The following SMARCA2 variants were observed in gnomAD, a reference collection of about 807,000 sequenced individuals.
SMARCA2 encodes SWI/SNF related BAF chromatin remodeling complex subunit ATPase 2.
In SMARCA2, 61 loss-of-function variants were observed where a neutral mutation model predicts 199.8. The ratio of observed to expected loss-of-function variants is 0.31; its 90% CI spans 0.25 to 0.38. SMARCA2 has a LOEUF of 0.38. Among genes scored for constraint, SMARCA2 ranks in the 10% least tolerant of loss-of-function variants. The pLI, the probability that SMARCA2 is intolerant of heterozygous loss-of-function variation, is 1.00. For missense variants in SMARCA2, 1,344 were observed against 2,012.2 expected (o/e 0.67, Z 6.35); for synonymous variants, 935 against 732.0 (o/e 1.28, Z -4.48).
At chr9:2,058,247 A>G in intron 7 of SMARCA2, 44 bp from the exon 8 acceptor site, 2 of 1,559,944 alleles carry the variant, frequency 1.3e-6, no homozygotes, top group South Asian at 1.1e-5. Flanking sequence ...GACACTGGTC[A>G]TTGGATTTTA....
rs191801016 is a variant in SMARCA2, at chr9:2,088,497, C to T, written c.2770-3C>T. On this transcript the variant is annotated splice_polypyrimidine_tract_variant and splice_region_variant and intron_variant, in intron 18 of 33. Coordinates refer to ENST00000349721, the MANE Select transcript of SMARCA2 (RefSeq NM_003070.5). ...TCAAATTCATAATAAGCCTCTCTTA[C>T]AGGTGGACTTAAATGAAGAAGAAAC... The T allele has an allele frequency of 1.9e-6, 3 of 1,572,434 alleles. No homozygotes were observed. The African/African-American group carries it at 4.2e-5, about 22-fold the overall frequency.
intron 5 of SMARCA2, chr9:2,047,689 C>T (rs1168744291): frequency 1.5e-5 from 6 of 403,620 alleles, no homozygotes; most frequent in East Asian, 1.4e-4. Flanking sequence ...CGGGGACTTC[C>T]TGTGGACCCG....
chr9:2,174,030 T>C (rs896917432), intron 29 of SMARCA2, among the ~76,000 whole-genome samples: 1 of 152,190 alleles, frequency 6.6e-6, no homozygotes, highest in African/African-American at 2.4e-5. Flanking sequence ...TCGATACTTA[T>C]TTATGGTGCT....
At chr9:2,094,746 A>T (rs1374404842) in intron 19 of SMARCA2, among the ~76,000 whole-genome samples, 3 of 152,220 alleles carry the variant, frequency 2.0e-5, no homozygotes, top group Non-Finnish European at 4.4e-5. Flanking sequence ...ATCCCAGTAC[A>T]GCTCTTTTGT....
At chr9:2,189,008 C>G (rs1421601448) in intron 32 of SMARCA2, among the ~76,000 whole-genome samples, 2 of 152,188 alleles carry the variant, frequency 1.3e-5, no homozygotes, top group African/African-American at 2.4e-5. Context: ...CCATGAATCT[C>G]TCTTTTGCGT....
chr9:2,048,319 G>C (rs1819970522), intron 5 of SMARCA2, among the ~76,000 whole-genome samples: 1 of 152,146 alleles, frequency 6.6e-6, no homozygotes, highest in Non-Finnish European at 1.5e-5. Context: ...AGCATACTGT[G>C]TCATCAGTAA....
intron 29 of SMARCA2, among the ~76,000 whole-genome samples, chr9:2,174,784 G>A (rs1055217212): frequency 6.6e-6 from 1 of 151,774 alleles, no homozygotes; most frequent in African/African-American, 2.4e-5. Context: ...GGTGGGTGTG[G>A]TGGCATACTC....
At chr9:2,148,482 TTTTTATTATTA>T in intron 27 of SMARCA2, among the ~76,000 whole-genome samples, 1 of 151,376 alleles carries the variant, frequency 6.6e-6, no homozygotes, top group East Asian at 1.9e-4. Flanking sequence ...TGTTTTCTTT[TTTTTATTATTA>T]TTTTATTATT....
At position 2,086,781 on chromosome 9, in the gene SMARCA2, G is replaced by A; in HGVS notation, c.2527-48G>A. On this transcript the variant is annotated intron_variant, in intron 17 of 33. Coordinates refer to ENST00000349721, the MANE Select transcript of SMARCA2 (RefSeq NM_003070.5). The surrounding 1 kb of genome is among the most constrained non-coding windows in gnomAD (Gnocchi z 4.3). ...CACCACTTGCTTGTTGGAAATAGTT[G>A]TATTTTCCCTTGCTTACTACACGTC... 6.2e-7 allele frequency: 1 copy of A among 1,605,602 alleles called. No individual in the cohort carries two copies.
intron 32 of SMARCA2, among the ~76,000 whole-genome samples, chr9:2,187,159 G>C (rs940906989): frequency 3.3e-5 from 5 of 152,094 alleles, no homozygotes; most frequent in Admixed American, 3.3e-4. Flanking sequence ...ACAGGGTACT[G>C]TCTTTATTTA....
At chr9:2,070,365 C>A in intron 9 of SMARCA2, 53 bp from the exon 10 acceptor site, 1 of 1,464,184 alleles carries the variant, frequency 6.8e-7, no homozygotes, top group Non-Finnish European at 9.6e-7. Context: ...ACCAGGAAGT[C>A]CTGTACCCCA....
At chr9:2,102,132 AGTGT>A (rs71327397) in intron 22 of SMARCA2, among the ~76,000 whole-genome samples, 2,177 of 148,042 alleles carry the variant, frequency 0.015, 17 homozygotes, top group African/African-American at 0.016. Flanking sequence ...ATTAACAGAA[AGTGT>A]GTGTGTGTGT....
intron 25 of SMARCA2, among the ~76,000 whole-genome samples, chr9:2,118,050 G>A (rs926086376): frequency 6.6e-6 from 1 of 152,170 alleles, no homozygotes; most frequent in East Asian, 1.9e-4. Context: ...TCATAAACAG[G>A]CACTTTACAA....
In SMARCA2 at chr9:2,169,128, C is replaced by T. The variant is rs1393029435; in HGVS notation, c.4200-1291C>T. ...TTATTGCTGACACTCAGAGTCCCCT[C>T]AACCTGCTCCTAATTGTCCCTACAA... On this transcript the variant is annotated intron_variant, in intron 28 of 33. Coordinates refer to ENST00000349721, the MANE Select transcript of SMARCA2 (RefSeq NM_003070.5). The surrounding 1 kb of genome is among the most constrained non-coding windows in gnomAD (Gnocchi z 6.5). 6.6e-6 allele frequency among the ~76,000 whole-genome samples: 1 copy of T among 152,158 alleles called. No homozygotes were observed. Among genetic ancestry groups the T allele is most frequent in the Non-Finnish European group, 1.5e-5 (1 of 68,022 alleles).
In SMARCA2 at chr9:2,056,400, A is replaced by G. The variant is rs997138051; in HGVS notation, c.1174-272A>G. Among the ~76,000 whole-genome samples, 1 of 152,256 alleles carries G rather than the reference A, an allele frequency of 6.6e-6. No homozygotes were observed. Among genetic ancestry groups the G allele is most frequent in the Non-Finnish European group, 1.5e-5 (1 of 68,056 alleles). ...AGAAAATGAAGTTATTTAAAAGGCA[A>G]GACAACATCTTTTCTTTCTTTTACT... On this transcript the variant is annotated intron_variant, in intron 6 of 33. Coordinates refer to ENST00000349721, the MANE Select transcript of SMARCA2 (RefSeq NM_003070.5). The surrounding 1 kb of genome is among the most constrained non-coding windows in gnomAD (Gnocchi z 4.0).
At chr9:2,069,321 C>A (rs1427239626) in intron 9 of SMARCA2, among the ~76,000 whole-genome samples, 1 of 151,370 alleles carries the variant, frequency 6.6e-6, no homozygotes, top group Non-Finnish European at 1.5e-5. Context: ...GGCTGGGAGG[C>A]CGAGGCAGGC....
At chr9:2,145,110 G>A (rs983425839) in intron 27 of SMARCA2, among the ~76,000 whole-genome samples, 5 of 152,044 alleles carry the variant, frequency 3.3e-5, no homozygotes, top group African/African-American at 7.2e-5. Context: ...AACCAGTCTG[G>A]CCAAAATGGT....
intron 32 of SMARCA2, among the ~76,000 whole-genome samples, chr9:2,189,994 C>A (rs762205895): frequency 6.6e-6 from 1 of 152,172 alleles, no homozygotes; most frequent in Non-Finnish European, 1.5e-5. Flanking sequence ...ACATGGTAGT[C>A]TAGCAAAGCT....
intron 29 of SMARCA2, among the ~76,000 whole-genome samples, chr9:2,178,181 T>C (rs1826757233): frequency 6.6e-6 from 1 of 152,156 alleles, no homozygotes; most frequent in Non-Finnish European, 1.5e-5. Flanking sequence ...GCGGTGTCTG[T>C]TCACTTCCAT....
Sources: gnomAD v4.1 joint callset for allele counts (sites outside exome capture counted in the v4.1 genomes callset) on GRCh38, gnomAD v4.1.1 for gene constraint, Gnocchi (gnomAD v3.1) non-coding constraint, MANE v1.5 for transcripts, NCBI Gene and HGNC (gene_info 2026-07-23, HGNC 2026-07-21) for gene names.